Variants in ZNF469 observed in about 807,000 individuals in gnomAD.
ZNF469 encodes the protein zinc finger protein 469.
In ZNF469, 1 loss-of-function variant was observed where a neutral mutation model predicts 1.0. The observed-to-expected ratio is 1.00, with a 90% CI of 0.35 to 4.73. The LOEUF (loss-of-function observed/expected upper bound fraction) is 4.73. Among genes scored for constraint, ZNF469 ranks in the 30% most tolerant of loss-of-function variants. The pLI is 0.16. For synonymous variants in ZNF469, 2,703 were observed against 2,363.4 expected, an observed-to-expected ratio of 1.14 and a Z score of -4.17; for missense variants, 6,100 against 5,356.3, an observed-to-expected ratio of 1.14 and a Z score of -4.33.
the ZNF469 span, among the ~76,000 whole-genome samples, chr16:88,306,815 A>G: frequency 3.3e-5 from 5 of 152,218 alleles, no homozygotes; most frequent in East Asian, 5.8e-4. Context: ...GGAGTGGGGG[A>G]AAACAGTGAA....
the ZNF469 span, among the ~76,000 whole-genome samples, chr16:88,139,656 C>T: frequency 2.7e-5 from 4 of 146,830 alleles, no homozygotes; most frequent in African/African-American, 5.1e-5. Context: ...GGCCTGGGGA[C>T]GTGATGAAGA....
At chr16:88,263,321 C>T in the ZNF469 span, among the ~76,000 whole-genome samples, 3 of 152,222 alleles carry the variant, frequency 2.0e-5, no homozygotes, top group African/African-American at 4.8e-5. Context: ...ATATGAGGCC[C>T]TTGTCGCAGG....
chr16:88,308,262 G>A, the ZNF469 span, among the ~76,000 whole-genome samples: 11 of 152,264 alleles, frequency 7.2e-5, no homozygotes, highest in East Asian at 3.9e-4. Context: ...AGTGGGATGC[G>A]TGAGTCCTCC....
At chr16:88,184,374 CG>C in the ZNF469 span, among the ~76,000 whole-genome samples, 1 of 152,036 alleles carries the variant, frequency 6.6e-6, no homozygotes, top group Non-Finnish European at 1.5e-5. Flanking sequence ...CGTGATTAAA[CG>C]TATGATTTCT....
the ZNF469 span, among the ~76,000 whole-genome samples, chr16:88,267,987 C>T: frequency 6.6e-6 from 1 of 151,894 alleles, no homozygotes; most frequent in Admixed American, 6.6e-5. Context: ...CACATTCTTA[C>T]CGGCTCCTGC....
At chr16:88,413,715 G>A (rs1327952251) in intron 1 of ZNF469, among the ~76,000 whole-genome samples, 1 of 152,222 alleles carries the variant, frequency 6.6e-6, no homozygotes, top group Non-Finnish European at 1.5e-5. Context: ...CTGTGGCAGT[G>A]CTGACTGCAG....
the ZNF469 span, among the ~76,000 whole-genome samples, chr16:88,129,788 A>G: frequency 0.2 from 30,412 of 152,234 alleles, 3,539 homozygotes; most frequent in East Asian, 0.46. Flanking sequence ...TTCAGTCCAG[A>G]TCAAGGCTGT....
chr16:88,167,786 G>A, the ZNF469 span, among the ~76,000 whole-genome samples: 1 of 152,262 alleles, frequency 6.6e-6, no homozygotes, highest in South Asian at 2.1e-4. Context: ...CTGGTTGCCG[G>A]AAGAGCAGCT....
Position 88,437,290 on chromosome 16 carries a change from C to CG in ZNF469, c.9823dup (p.Ala3275GlyfsTer24). 1.3e-6 allele frequency: 2 copies of CG among 1,547,752 alleles called. No homozygotes were observed. The highest frequency in any genetic ancestry group is 1.7e-6 in the Non-Finnish European group (2 of 1,145,448). On this transcript the variant is annotated frameshift_variant, in exon 3 of 3. Coordinates refer to ENST00000565624, the MANE Select transcript of ZNF469 (RefSeq NM_001367624.2). LOFTEE classifies it low-confidence loss of function (END_TRUNC). The stretch of plus-strand genomic sequence containing the variant: ...CAGCCCGGGCGAGAGGGCGAAACCC[C>CG]GGGCACGCAGCACCCCCAGCAACCC...
At position 88,434,024 on chromosome 16, in the gene ZNF469, C is replaced by G. The variant is rs2142309578; in HGVS notation, c.6554C>G (p.Thr2185Arg). ...GAGGCAGATGGCGTCCAAGCCACGA[C>G]AGATACTGGGGCTGAGGATTCCCCG... ...LEEADGVQAT[T>R]DTGAEDSPVA... is the part of the protein sequence containing the mutation. Residue 2185 changes from threonine (T) to arginine (R), a missense_variant, in exon 3 of 3, where the codon ACA (threonine) becomes AGA (arginine). Transcript: ENST00000565624. 6.5e-7 allele frequency: 1 copy of G among 1,550,314 alleles called. No homozygotes were observed. The highest frequency in any genetic ancestry group is 2.4e-5 in the East Asian group (1 of 40,916).
chr16:88,225,918 A>G, the ZNF469 span, among the ~76,000 whole-genome samples: 1 of 152,112 alleles, frequency 6.6e-6, no homozygotes, highest in Non-Finnish European at 1.5e-5. Context: ...CCTCCCTGAC[A>G]AGTCCTGAGG....
intron 1 of ZNF469, among the ~76,000 whole-genome samples, chr16:88,404,572 A>G (rs72805348): frequency 0.025 from 3,857 of 152,284 alleles, 60 homozygotes; most frequent in Non-Finnish European, 0.042. Context: ...TGGCAGGGGA[A>G]GAACTGGGAG....
At chr16:88,182,657 C>G in the ZNF469 span, among the ~76,000 whole-genome samples, 1 of 151,668 alleles carries the variant, frequency 6.6e-6, no homozygotes, top group Non-Finnish European at 1.5e-5. Flanking sequence ...CTCTTTCCAA[C>G]AAATGGTTCT....
chr16:88,370,663 T>C, the ZNF469 span, among the ~76,000 whole-genome samples: 1 of 152,178 alleles, frequency 6.6e-6, no homozygotes, highest in Non-Finnish European at 1.5e-5. Flanking sequence ...CTGGGGCTGC[T>C]GTCACAAATG....
At chr16:88,150,504 G>T in the ZNF469 span, among the ~76,000 whole-genome samples, 7 of 152,172 alleles carry the variant, frequency 4.6e-5, no homozygotes, top group African/African-American at 1.7e-4. Context: ...GTGGGTGTTA[G>T]GGTCATCCGG....
At chr16:88,250,257 C>A in the ZNF469 span, among the ~76,000 whole-genome samples, 4 of 152,220 alleles carry the variant, frequency 2.6e-5, no homozygotes, top group Non-Finnish European at 2.9e-5. Flanking sequence ...ACCTCTATCA[C>A]CTTGAGTTAG....
chr16:88,320,221 G>A, the ZNF469 span, among the ~76,000 whole-genome samples: 1 of 152,262 alleles, frequency 6.6e-6, no homozygotes, highest in South Asian at 2.1e-4. Context: ...ATAATCCTAG[G>A]GAGACTCGGG....
chr16:88,349,289 A>G, the ZNF469 span, among the ~76,000 whole-genome samples: 1 of 152,120 alleles, frequency 6.6e-6, no homozygotes, highest in Non-Finnish European at 1.5e-5. Context: ...GGTGACCTTC[A>G]GGTAGCAGCG....
At chr16:88,346,572 G>A in the ZNF469 span, among the ~76,000 whole-genome samples, 4 of 151,940 alleles carry the variant, frequency 2.6e-5, no homozygotes, top group African/African-American at 9.7e-5. Context: ...AGGCTGGAGT[G>A]CAGTGGCACG....
Sources: gnomAD v4.1 joint callset for allele counts (sites outside exome capture counted in the v4.1 genomes callset) on GRCh38, gnomAD v4.1.1 for gene constraint, MANE v1.5 for transcripts, NCBI Gene and HGNC (gene_info 2026-07-23, HGNC 2026-07-21) for gene names.